The following AUTS2 variants were observed in gnomAD, a reference collection of about 807,000 sequenced individuals.
The protein encoded by AUTS2 is activator of transcription and developmental regulator AUTS2, also known as autism susceptibility gene 2 protein.
Under a neutral mutation model 112.4 loss-of-function variants are expected in AUTS2, and 17 were observed. The ratio of observed to expected loss-of-function variants is 0.15; its 90% confidence interval spans 0.10 to 0.23. The LOEUF (loss-of-function observed/expected upper bound fraction) is 0.23. AUTS2 is among the 10% of genes least tolerant of loss of function. The probability of loss-of-function intolerance (pLI) is 1.00; values close to 1 mark genes in which losing one functional copy is unlikely to be tolerated. For missense variants in AUTS2, 1,510 were observed against 1,701.6 expected (o/e 0.89, Z 1.98); for synonymous variants, 751 against 702.7 (o/e 1.07, Z -1.09).
At chr7:70,480,328 G>GACCTCA (rs1258875547) in intron 5 of AUTS2, among the ~76,000 whole-genome samples, 9 of 152,316 alleles carry the variant, frequency 5.9e-5, no homozygotes, top group African/African-American at 2.2e-4. Flanking sequence ...CATCTTAAGG[G>GACCTCA]ACATATAGAA....
chr7:69,639,101 A>C (rs757451829), intron 1 of AUTS2, among the ~76,000 whole-genome samples: 1 of 152,214 alleles, frequency 6.6e-6, no homozygotes, highest in African/African-American at 2.4e-5. Context: ...ATAGAGTTTT[A>C]TTAAAATGTA....
chr7:70,265,669 G>A (rs1787387266), intron 4 of AUTS2, among the ~76,000 whole-genome samples: 1 of 152,186 alleles, frequency 6.6e-6, no homozygotes, highest in Admixed American at 6.6e-5. Flanking sequence ...GGGAATGAGG[G>A]CAGGTGGTCC....
chr7:69,807,477 G>T (rs539129945), intron 1 of AUTS2, among the ~76,000 whole-genome samples: 15 of 152,210 alleles, frequency 9.9e-5, no homozygotes, highest in African/African-American at 3.1e-4. Context: ...CAGGAGTAAA[G>T]GTACTTGTCA....
chr7:69,985,189 C>T (rs1448590321), intron 2 of AUTS2, among the ~76,000 whole-genome samples: 1 of 148,268 alleles, frequency 6.7e-6, no homozygotes, highest in African/African-American at 2.5e-5. Flanking sequence ...TATGGTCATG[C>T]CACTGCACTC....
At chr7:70,427,950 G>C (rs1795500762) in intron 4 of AUTS2, among the ~76,000 whole-genome samples, 1 of 152,126 alleles carries the variant, frequency 6.6e-6, no homozygotes, top group Non-Finnish European at 1.5e-5. Flanking sequence ...ATTGAAGATT[G>C]GTGGACCTCA....
intron 4 of AUTS2, among the ~76,000 whole-genome samples, chr7:70,397,457 A>G (rs932800737): frequency 2.0e-5 from 3 of 151,926 alleles, no homozygotes; most frequent in African/African-American, 4.8e-5. Context: ...GCATATTTTC[A>G]TGTGTTTGTT....
intron 1 of AUTS2, among the ~76,000 whole-genome samples, chr7:69,655,585 G>A (rs1451670721): frequency 6.6e-6 from 1 of 152,202 alleles, no homozygotes; most frequent in East Asian, 1.9e-4. Context: ...GATTCTGATG[G>A]ACTTTAAAGT....
intron 1 of AUTS2, among the ~76,000 whole-genome samples, chr7:69,862,402 G>T (rs1423205326): frequency 2.0e-5 from 3 of 152,132 alleles, no homozygotes; most frequent in African/African-American, 4.8e-5. Flanking sequence ...CAAAACTTTT[G>T]GGGGAGGGTT....
chr7:70,326,957 G>C (rs1245424836), intron 4 of AUTS2, among the ~76,000 whole-genome samples: 1 of 130,116 alleles, frequency 7.7e-6, no homozygotes, highest in African/African-American at 2.9e-5. Context: ...TCGCTCTGTC[G>C]CCCAGGCTGG....
chr7:69,957,446 A>G (rs973043213), intron 2 of AUTS2, among the ~76,000 whole-genome samples: 3 of 152,050 alleles, frequency 2.0e-5, no homozygotes, highest in African/African-American at 7.2e-5. Context: ...GTACCCTGAG[A>G]TATTAGCTAA....
chr7:69,772,556 C>T (rs1360494544), intron 1 of AUTS2, among the ~76,000 whole-genome samples: 3 of 152,180 alleles, frequency 2.0e-5, no homozygotes, highest in Non-Finnish European at 4.4e-5. Context: ...ACTTCAGCCT[C>T]CTGAGTGACT....
At chr7:70,245,052 G>A (rs895484037) in intron 4 of AUTS2, among the ~76,000 whole-genome samples, 2 of 148,080 alleles carry the variant, frequency 1.4e-5, no homozygotes, top group Middle Eastern at 3.6e-3. Context: ...CCCAGGAGAT[G>A]AAGGTTGCAG....
chr7:70,490,214 C>T (rs887428493), intron 5 of AUTS2, among the ~76,000 whole-genome samples: 1 of 151,768 alleles, frequency 6.6e-6, no homozygotes, highest in Non-Finnish European at 1.5e-5. Context: ...AGTAGAGAAA[C>T]CAAAGCCAAA....
chr7:69,876,325 C>CAAAAAAA (rs1167965776), intron 1 of AUTS2, among the ~76,000 whole-genome samples: 3 of 26,172 alleles, frequency 1.1e-4, no homozygotes, highest in African/African-American at 4.1e-4. Context: ...GACTCTGTCT[C>CAAAAAAA]AAAAAAAAAA....
At chr7:69,645,934 G>A (rs181717839) in intron 1 of AUTS2, among the ~76,000 whole-genome samples, 31 of 151,680 alleles carry the variant, frequency 2.0e-4, no homozygotes, top group African/African-American at 7.5e-4. Context: ...AGTGATGACT[G>A]GTGGCCTGGG....
intron 5 of AUTS2, among the ~76,000 whole-genome samples, chr7:70,535,541 A>T (rs1009604530): frequency 1.3e-5 from 2 of 151,958 alleles, no homozygotes; most frequent in Non-Finnish European, 2.9e-5. Flanking sequence ...CAGCCTCCTG[A>T]GTAGCTGGAA....
intron 1 of AUTS2, among the ~76,000 whole-genome samples, chr7:69,660,929 G>A (rs1031792895): frequency 1.3e-5 from 2 of 152,170 alleles, no homozygotes; most frequent in Admixed American, 6.5e-5. Context: ...GGAATAGTGC[G>A]TTTTCACTTT....
intron 2 of AUTS2, among the ~76,000 whole-genome samples, chr7:69,990,997 G>A (rs12698830): frequency 0.36 from 54,667 of 151,928 alleles, 10,395 homozygotes; most frequent in African/African-American, 0.48. Flanking sequence ...TAGTAGAGGA[G>A]AGAGGAGAGT....
intron 4 of AUTS2, among the ~76,000 whole-genome samples, chr7:70,287,080 G>A (rs1271330375): frequency 6.6e-6 from 1 of 152,190 alleles, no homozygotes; most frequent in Non-Finnish European, 1.5e-5. Flanking sequence ...TACTATGAAT[G>A]TTGGTTGCCT....
Sources: allele counts gnomAD v4.1 joint callset (sites outside exome capture counted in the v4.1 genomes callset), GRCh38; gene constraint gnomAD v4.1.1; transcripts MANE v1.5; gene names NCBI Gene and HGNC (gene_info 2026-07-23, HGNC 2026-07-21).